Variants in ERC1 observed in about 807,000 individuals in gnomAD.
ERC1 encodes the protein RAB6 interacting protein 2.
In ERC1, 56 loss-of-function variants were observed where a neutral mutation model predicts 132.0. The ratio of observed to expected loss-of-function variants is 0.42; its 90% CI spans 0.34 to 0.53. The LOEUF is 0.53. ERC1 is among the 20% of genes least tolerant of loss of function. The probability of loss-of-function intolerance (pLI) is 0.03; values close to 1 mark genes in which losing one functional copy is unlikely to be tolerated. For synonymous variants in ERC1, 478 were observed against 476.1 expected, an observed-to-expected ratio of 1.00 and a Z score of -0.05; for missense variants, 1,202 against 1,349.9, an observed-to-expected ratio of 0.89 and a Z score of 1.72.
At chr12:1,351,505 A>T (rs1010477773) in intron 15 of ERC1, among the ~76,000 whole-genome samples, 1 of 152,126 alleles carries the variant, frequency 6.6e-6, no homozygotes, top group Non-Finnish European at 1.5e-5. Context: ...CATTGTGGTA[A>T]GTGTGTAGTG....
chr12:1,366,876 T>C (rs2154372754), intron 15 of ERC1, among the ~76,000 whole-genome samples: 1 of 152,276 alleles, frequency 6.6e-6, no homozygotes, highest in African/African-American at 2.4e-5. Context: ...CATTTTACAT[T>C]AAAGAGATAT....
chr12:1,441,944 T>C (rs893043804), intron 17 of ERC1, among the ~76,000 whole-genome samples: 5 of 152,180 alleles, frequency 3.3e-5, no homozygotes, highest in Non-Finnish European at 5.9e-5. Flanking sequence ...TGTTGTTGTT[T>C]TGAGACAGAG....
At chr12:1,367,951 CTT>C (rs59027116) in intron 15 of ERC1, among the ~76,000 whole-genome samples, 61 of 118,512 alleles carry the variant, frequency 5.1e-4, no homozygotes, top group East Asian at 9.4e-4. Context: ...CCACATTTTC[CTT>C]TTTTTTTTTT....
intron 4 of ERC1, among the ~76,000 whole-genome samples, chr12:1,107,952 G>C (rs1945441058): frequency 6.6e-6 from 1 of 152,182 alleles, no homozygotes; most frequent in African/African-American, 2.4e-5. Flanking sequence ...AATGATGGAA[G>C]GGCTGGGGCT....
At chr12:1,410,692 C>CTTT (rs928421129) in intron 17 of ERC1, among the ~76,000 whole-genome samples, 2 of 123,846 alleles carry the variant, frequency 1.6e-5, no homozygotes, top group African/African-American at 6.2e-5. Flanking sequence ...TCTGTAATTT[C>CTTT]TTTTTATACA....
rs183987431 is a variant in ERC1 at position 1,150,899 on chromosome 12, C to T, written c.1737+9112C>T. Among the ~76,000 whole-genome samples the T allele has an allele frequency of 6.2e-4, 94 of 152,276 alleles. 1 individual carries two copies. The highest frequency in any genetic ancestry group is 2.0e-3 in the African/African-American group (85 of 41,560). On this transcript the variant is annotated intron_variant, in intron 8 of 18. Transcript: ENST00000360905. ...GCAATATCTTGGAACAGAAAAATGG[C>T]AGCAGACAGAAACTAAGGAAATGCG...
intron 12 of ERC1, among the ~76,000 whole-genome samples, chr12:1,203,668 A>G (rs149625219): frequency 6.6e-6 from 1 of 152,362 alleles, no homozygotes; most frequent in African/African-American, 2.4e-5. Flanking sequence ...ACTGGTCGTT[A>G]GAAGCCCTAA....
chr12:1,061,370 C>T (rs1937843144), intron 2 of ERC1, among the ~76,000 whole-genome samples: 1 of 151,188 alleles, frequency 6.6e-6, no homozygotes, highest in Non-Finnish European at 1.5e-5. Context: ...GCTGAGTCCG[C>T]AGATCACTTG....
intron 18 of ERC1, among the ~76,000 whole-genome samples, chr12:1,467,878 C>T (rs1565495823): frequency 6.6e-6 from 1 of 152,156 alleles, no homozygotes; most frequent in Non-Finnish European, 1.5e-5. Context: ...ATAGGGTTTG[C>T]GCTCATATGA....
At chr12:1,238,175 T>TA (rs1555324043) in intron 13 of ERC1, among the ~76,000 whole-genome samples, 1 of 151,582 alleles carries the variant, frequency 6.6e-6, no homozygotes, top group African/African-American at 2.4e-5. Flanking sequence ...TTTTTTTTTT[T>TA]AACAAAATAC....
rs1566520712 is a variant in ERC1, at chr12:1,298,433, CT to C, written c.2780+8422del. 2.0e-5 allele frequency among the ~76,000 whole-genome samples: 3 copies of C among 151,416 alleles called. No homozygotes were observed. In the South Asian group the frequency reaches 6.3e-4, roughly 32 times the overall value. ...TGGCGGGTGTCTGTTATCCCAGCTACTCGGGATTCTGAGGCAGGAGAATTGC... is the reference window on the plus strand; with the variant it reads ...TGGCGGGTGTCTGTTATCCCAGCTACCGGGATTCTGAGGCAGGAGAATTGC... On this transcript the variant is annotated intron_variant, in intron 15 of 18. Coordinates refer to ENST00000360905, the MANE Select transcript of ERC1 (RefSeq NM_178040.4).
intron 15 of ERC1, among the ~76,000 whole-genome samples, chr12:1,368,011 T>C (rs566033738): frequency 2.7e-4 from 41 of 150,156 alleles, no homozygotes; most frequent in Non-Finnish European, 5.5e-4. Flanking sequence ...AGGAGAGTAA[T>C]TTGACAGGAA....
chr12:1,271,549 TA>T (rs2077854031), intron 14 of ERC1, among the ~76,000 whole-genome samples: 2 of 152,214 alleles, frequency 1.3e-5, no homozygotes, highest in Admixed American at 1.3e-4. Flanking sequence ...TGTTATCAGA[TA>T]TTTTTATTAT....
At chr12:1,380,321 T>C (rs901123054) in intron 16 of ERC1, 1 of 152,208 alleles carries the variant, frequency 6.6e-6, no homozygotes, top group Non-Finnish European at 1.5e-5. Flanking sequence ...CTTTCTGTAA[T>C]ATCACTTGAC....
rs573546194 is a variant in ERC1, at chr12:1,056,139, T to A, written c.670-27025T>A. On this transcript the variant is annotated intron_variant, in intron 2 of 18. Coordinates refer to ENST00000360905, the MANE Select transcript of ERC1 (RefSeq NM_178040.4). ...ACTGTTTTAAAGGATATCCATAAAA[T>A]TTTTTTTGTGATTTTTCTCAGATTC... Among the ~76,000 whole-genome samples, 28 of 151,908 alleles carry A rather than the reference T, an allele frequency of 1.8e-4. 1 individual carries two copies. The highest frequency in any genetic ancestry group is 4.6e-4 in the Admixed American group (7 of 15,258).
chr12:1,039,984 A>C (rs1442965834), intron 2 of ERC1, among the ~76,000 whole-genome samples: 1 of 152,208 alleles, frequency 6.6e-6, no homozygotes, highest in African/African-American at 2.4e-5. Context: ...ACCTTGAGTG[A>C]TTCTCTCAAT....
At chr12:1,419,413 A>G (rs924717266) in intron 17 of ERC1, among the ~76,000 whole-genome samples, 24 of 151,094 alleles carry the variant, frequency 1.6e-4, no homozygotes, top group African/African-American at 5.6e-4. Context: ...TGCTTCAAAT[A>G]TCAATAACAT....
At chr12:1,260,720 T>G (rs1384086323) in intron 13 of ERC1, among the ~76,000 whole-genome samples, 3 of 152,242 alleles carry the variant, frequency 2.0e-5, no homozygotes, top group Admixed American at 6.5e-5. Context: ...GTGAGAGAGA[T>G]ATTTGCCGTC....
At chr12:1,050,122 T>A (rs897520983) in intron 2 of ERC1, among the ~76,000 whole-genome samples, 21 of 152,110 alleles carry the variant, frequency 1.4e-4, no homozygotes, top group African/African-American at 5.1e-4. Flanking sequence ...TTCCACAACC[T>A]CCTGGGGTGG....
Sources: allele counts gnomAD v4.1 joint callset (sites outside exome capture counted in the v4.1 genomes callset), GRCh38; gene constraint gnomAD v4.1.1; transcripts MANE v1.5; gene names NCBI Gene and HGNC (gene_info 2026-07-23, HGNC 2026-07-21).